Variants in SLC6A5 observed in about 807,000 individuals in gnomAD.
SLC6A5 encodes the protein sodium- and chloride-dependent glycine transporter 2.
SLC6A5 carries 58 observed loss-of-function variants against 90.5 expected under a neutral mutation model. The observed-to-expected ratio is 0.64, with a 90% confidence interval of 0.52 to 0.80. SLC6A5 has a LOEUF of 0.80. SLC6A5 is among the 30% of genes least tolerant of loss of function. The pLI is 0.00. For synonymous variants in SLC6A5, 427 were observed against 401.4 expected, an observed-to-expected ratio of 1.06 and a Z score of -0.76; for missense variants, 1,015 against 1,017.6, an observed-to-expected ratio of 1.00 and a Z score of 0.03.
At chr11:20,651,537 T>C (rs1321194828) in intron 14 of SLC6A5, among the ~76,000 whole-genome samples, 1 of 151,060 alleles carries the variant, frequency 6.6e-6, no homozygotes, top group African/African-American at 2.4e-5. Flanking sequence ...CCTCCCTAAG[T>C]GCTGGGATTA....
At chr11:20,602,222 C>T (rs890888214) in intron 2 of SLC6A5, among the ~76,000 whole-genome samples, 5 of 152,116 alleles carry the variant, frequency 3.3e-5, no homozygotes, top group Non-Finnish European at 7.4e-5. Flanking sequence ...CTGTCCTTTG[C>T]CTGGGTCCTT....
chr11:20,638,437 G>C (rs1024380130), intron 12 of SLC6A5, 22 bp from the exon 13 acceptor site: 10 of 1,454,620 alleles, frequency 6.9e-6, no homozygotes, highest in Non-Finnish European at 9.7e-6. Flanking sequence ...ATTTGATATT[G>C]GTTGTTTCTC....
In SLC6A5 at chr11:20,646,855, A is replaced by G. The variant is rs1367237864; in HGVS notation, c.1991A>G (p.Asp664Gly). 1 of 1,613,122 alleles carries G rather than the reference A, an allele frequency of 6.2e-7. No individual in the cohort carries two copies. The highest frequency in any genetic ancestry group is 1.3e-5 in the African/African-American group (1 of 74,858). The change falls in exon 14 of 16, where the codon GAT becomes GGT. Residue 664 changes from aspartate to glycine, a missense_variant. Physicochemically the swap from Asp to Gly is moderately conservative, Grantham distance 94. Around this residue, in one of 3 missense-constraint regions of SLC6A5, gnomAD observed 442 missense variants for 494.3 expected, o/e 0.89. Coordinates refer to ENST00000525748, the MANE Select transcript of SLC6A5 (RefSeq NM_004211.5). ...GCAGGCTTGCAAAGATTCTGTGAAGATATAGAGATGATGATTGGATTCCAG... is the reference window on the plus strand; with the variant it reads ...GCAGGCTTGCAAAGATTCTGTGAAGGTATAGAGATGATGATTGGATTCCAG... ...YVYGLQRFCE[D>G]IEMMIGFQPN...
chr11:20,634,160 G>A (rs1003163166), intron 10 of SLC6A5, among the ~76,000 whole-genome samples: 3 of 152,126 alleles, frequency 2.0e-5, no homozygotes, highest in East Asian at 1.9e-4. Context: ...GTGAGCCACC[G>A]CACCTGGCTG....
At chr11:20,647,059 G>T in intron 14 of SLC6A5, 125 bp downstream of exon 14, 1 of 756,348 alleles carries the variant, frequency 1.3e-6, no homozygotes, top group Non-Finnish European at 2.4e-6. Flanking sequence ...GGTAGGTTGG[G>T]TGGTGGTCTT....
intron 6 of SLC6A5, among the ~76,000 whole-genome samples, chr11:20,616,453 G>A (rs922353004): frequency 1.3e-5 from 2 of 152,184 alleles, no homozygotes; most frequent in African/African-American, 4.8e-5. Flanking sequence ...ATCCTCTGGG[G>A]CCAGTCTTGA....
At chr11:20,624,666 G>C (rs1852957738) in intron 7 of SLC6A5, among the ~76,000 whole-genome samples, 1 of 152,186 alleles carries the variant, frequency 6.6e-6, no homozygotes, top group Non-Finnish European at 1.5e-5. Context: ...AGGACTGCAT[G>C]TGGAAATGGA....
intron 5 of SLC6A5, among the ~76,000 whole-genome samples, chr11:20,610,065 C>T (rs1852664574): frequency 6.6e-6 from 1 of 152,236 alleles, no homozygotes; most frequent in Non-Finnish European, 1.5e-5. Flanking sequence ...GCTTCATTTT[C>T]ATTACAACTT....
At position 20,626,774 on chromosome 11, in the gene SLC6A5, C is replaced by T. The variant is rs868252758; in HGVS notation, c.1327C>T (p.Leu443=). ...LVILLIRGVT[L]PGAGAGIWYF... ...GATCCTCCTCATCCGAGGAGTCACC[C>T]TGCCTGGAGCTGGAGCTGGGATCTG... The change falls in exon 8 of 16, where the codon CTG becomes TTG. Residue 443 remains leucine (L), a synonymous_variant. Coordinates refer to ENST00000525748, the MANE Select transcript of SLC6A5 (RefSeq NM_004211.5). 1 of 1,613,962 alleles carries T rather than the reference C, an allele frequency of 6.2e-7. No homozygotes were observed. The highest frequency in any genetic ancestry group is 1.7e-5 in the Admixed American group (1 of 60,008).
chr11:20,619,234 T>C (rs1265802432), intron 7 of SLC6A5, among the ~76,000 whole-genome samples: 1 of 152,180 alleles, frequency 6.6e-6, no homozygotes, highest in Non-Finnish European at 1.5e-5. Context: ...GGGAGGGTAG[T>C]CAGTGCCATC....
chr11:20,634,912 T>A (rs1691425406), intron 10 of SLC6A5, among the ~76,000 whole-genome samples: 1 of 152,186 alleles, frequency 6.6e-6, no homozygotes, highest in African/African-American at 2.4e-5. Flanking sequence ...CTGCCCATTA[T>A]CATTTAGTTT....
Position 20,612,355 on chromosome 11 carries a change from C to T in SLC6A5, c.986-2324C>T, listed in dbSNP as rs77046181. Among the ~76,000 whole-genome samples, 4,049 of 152,198 alleles carry T rather than the reference C, an allele frequency of 0.027. 430 individuals are homozygous for T. In the East Asian group the frequency reaches 0.36, roughly 13 times the overall value. Reference sequence around the variant, plus strand: ...ATCTCTCTTCATTTAGTCCTTACTGCAACCCTGAACAACTATGACCAGAAA... The same window carrying T: ...ATCTCTCTTCATTTAGTCCTTACTGTAACCCTGAACAACTATGACCAGAAA... On this transcript the variant is annotated intron_variant, in intron 5 of 15. Coordinates refer to ENST00000525748, the MANE Select transcript of SLC6A5 (RefSeq NM_004211.5).
chr11:20,632,448 G>A lies in SLC6A5; in HGVS notation c.1624+1633G>A, dbSNP rs190737119. ...TGGTGTGTAAAATTGCCAACAAATT[G>A]CCCATGTTTTCCTCTGAAATTTCTC... On this transcript the variant is annotated intron_variant, in intron 10 of 15. Coordinates refer to ENST00000525748, the MANE Select transcript of SLC6A5 (RefSeq NM_004211.5). Among the ~76,000 whole-genome samples, 194 of 152,182 alleles carry A rather than the reference G, an allele frequency of 1.3e-3. 1 individual carries two copies. The highest frequency in any genetic ancestry group is 4.6e-3 in the African/African-American group (190 of 41,526).
At chr11:20,619,568 A>C (rs1852851425) in intron 7 of SLC6A5, among the ~76,000 whole-genome samples, 1 of 151,846 alleles carries the variant, frequency 6.6e-6, no homozygotes, top group African/African-American at 2.4e-5. Flanking sequence ...CTGTGTAGGG[A>C]TATCTCTACT....
chr11:20,626,728 G>A lies in SLC6A5; in HGVS notation c.1281G>A (p.Thr427=), dbSNP rs148416271. 1.7e-5 allele frequency: 27 copies of A among 1,613,938 alleles called. No individual in the cohort carries two copies. Among genetic ancestry groups the A allele is most frequent in the Middle Eastern group, 3.3e-4 (2 of 6,084 alleles). ...TSGKVVYFTA[T]FPYVVLVILL... is the part of the protein sequence containing the mutation. ...TCTAGGTGGTGTACTTCACGGCCAC[G>A]TTCCCGTATGTCGTACTCGTGATCC... The change falls in exon 8 of 16, where the codon ACG becomes ACA. Residue 427 remains threonine, a synonymous_variant. Coordinates refer to ENST00000525748, the MANE Select transcript of SLC6A5 (RefSeq NM_004211.5).
chr11:20,611,478 A>G (rs2133780566), intron 5 of SLC6A5, among the ~76,000 whole-genome samples: 1 of 152,272 alleles, frequency 6.6e-6, no homozygotes, highest in Non-Finnish European at 1.5e-5. Context: ...AACAAATGAA[A>G]AAAGGTTCCC....
chr11:20,651,763 C>T (rs550290910), intron 14 of SLC6A5, among the ~76,000 whole-genome samples: 117 of 152,070 alleles, frequency 7.7e-4, no homozygotes, highest in Non-Finnish European at 1.3e-3. Context: ...CAAAAATTAG[C>T]TGGGTGTGTG....
chr11:20,626,983 C>A, intron 8 of SLC6A5, 141 bp downstream of exon 8: 1 of 702,742 alleles, frequency 1.4e-6, no homozygotes, highest in Non-Finnish European at 2.5e-6. Context: ...ACATTATGCA[C>A]TCAGGAAATA....
In SLC6A5 at chr11:20,636,357, C is replaced by T. The variant is rs764223816; in HGVS notation, c.1675C>T (p.Leu559Phe). The change falls in exon 11 of 16, where the codon CTC (leucine) becomes TTC (phenylalanine). Residue 559 changes from leucine to phenylalanine, a missense_variant. Around this residue, in one of 3 missense-constraint regions of SLC6A5, gnomAD observed 442 missense variants for 494.3 expected, o/e 0.89. Coordinates refer to ENST00000525748, the MANE Select transcript of SLC6A5 (RefSeq NM_004211.5). ...CCCGGAAGCCTTAACCAGGCTGCCT[C>T]TCTCTCCGTTCTGGGCCATCATCTT... Reference protein sequence around the residue: ...VYPEALTRLPLSPFWAIIFFL... With the variant: ...VYPEALTRLPFSPFWAIIFFL... 4 of 1,613,962 alleles carry T rather than the reference C, an allele frequency of 2.5e-6. No homozygotes were observed. In the East Asian group the frequency reaches 8.9e-5, roughly 36 times the overall value.
Sources: allele counts gnomAD v4.1 joint callset (sites outside exome capture counted in the v4.1 genomes callset), GRCh38; gene constraint gnomAD v4.1.1; regional missense constraint gnomAD v4.1.1; transcripts MANE v1.5; gene names NCBI Gene and HGNC (gene_info 2026-07-23, HGNC 2026-07-21).